Variants in RALYL observed in about 807,000 individuals in gnomAD.
RALYL encodes the protein RNA-binding Raly-like protein.
A neutral mutation model predicts 35.1 loss-of-function variants in RALYL; 29 were observed. The ratio of observed to expected loss-of-function variants is 0.83; its 90% CI spans 0.61 to 1.13. The LOEUF (loss-of-function observed/expected upper bound fraction) is 1.13. Ranked by LOEUF, RALYL falls within the 50% of genes most tolerant of loss-of-function variation. RALYL has a pLI of 0.00. For missense variants in RALYL, 359 were observed against 360.4 expected (o/e 1.00, Z 0.03); for synonymous variants, 120 against 127.6 (o/e 0.94, Z 0.40).
At chr8:84,711,418 T>C (rs1230146594) in intron 2 of RALYL, among the ~76,000 whole-genome samples, 1 of 152,168 alleles carries the variant, frequency 6.6e-6, no homozygotes, top group Non-Finnish European at 1.5e-5. Flanking sequence ...CATGCAGTCA[T>C]TGACTGGAAG....
At chr8:84,298,497 C>T (rs149697313) in intron 1 of RALYL, among the ~76,000 whole-genome samples, 19 of 152,164 alleles carry the variant, frequency 1.2e-4, no homozygotes, top group Non-Finnish European at 2.2e-4. Context: ...GTGATGCCTC[C>T]AGCTTTGTTC....
In RALYL at chr8:84,354,422, A is replaced by C. The variant is rs567840805; in HGVS notation, c.-24+169998A>C. ...TGATGGGATTGGGATTAGACACCATACACCACAAAGTAAAACTTCTGAAGA... is the reference window on the plus strand; with the variant it reads ...TGATGGGATTGGGATTAGACACCATCCACCACAAAGTAAAACTTCTGAAGA... On this transcript the variant is annotated intron_variant, in intron 1 of 8. Transcript: ENST00000521268. Among the ~76,000 whole-genome samples the C allele has an allele frequency of 1.1e-3, 164 of 150,340 alleles. 6 individuals carry two copies. In the South Asian group the frequency reaches 0.032, roughly 30 times the overall value.
chr8:84,284,320 GA>G (rs1341772565), intron 1 of RALYL, among the ~76,000 whole-genome samples: 1 of 152,100 alleles, frequency 6.6e-6, no homozygotes, highest in Admixed American at 6.6e-5. Flanking sequence ...CAGTAATGCA[GA>G]AAATTGCTCG....
intron 8 of RALYL, among the ~76,000 whole-genome samples, chr8:84,909,933 C>G (rs180809726): frequency 5.3e-5 from 8 of 152,182 alleles, no homozygotes; most frequent in Non-Finnish European, 1.2e-4. Flanking sequence ...TTGGTGTTCT[C>G]TAACAATTAA....
At chr8:84,879,857 T>C (rs1380654997) in intron 7 of RALYL, among the ~76,000 whole-genome samples, 1 of 151,944 alleles carries the variant, frequency 6.6e-6, no homozygotes. Context: ...CAGTTAACTG[T>C]AAAGGCAAGA....
At position 84,879,152 on chromosome 8, in the gene RALYL, C is replaced by T. The variant is rs997085794; in HGVS notation, c.685+5755C>T. On this transcript the variant is annotated intron_variant, in intron 7 of 8. Transcript: ENST00000521268. ...CTAGGAGATGAGCTGTGCAAGAGAT[C>T]TGGAAAGAAATGAGTCCAGATCAGA... Among the ~76,000 whole-genome samples the T allele has an allele frequency of 3.3e-5, 5 of 152,160 alleles. No homozygotes were observed. The South Asian group carries it at 6.2e-4, about 19-fold the overall frequency.
At chr8:84,369,470 T>G (rs1370725999) in intron 1 of RALYL, among the ~76,000 whole-genome samples, 3 of 152,104 alleles carry the variant, frequency 2.0e-5, no homozygotes, top group Admixed American at 6.6e-5. Flanking sequence ...GTGAATTCTC[T>G]CTTCAACCCA....
At chr8:84,429,609 T>G (rs1387737296) in intron 1 of RALYL, among the ~76,000 whole-genome samples, 1 of 152,124 alleles carries the variant, frequency 6.6e-6, no homozygotes, top group Non-Finnish European at 1.5e-5. Context: ...GGTGGTTGAC[T>G]TGCCATTCTT....
chr8:84,508,101 T>C (rs1171509632), intron 1 of RALYL, among the ~76,000 whole-genome samples: 3 of 152,154 alleles, frequency 2.0e-5, no homozygotes, highest in Non-Finnish European at 4.4e-5. Flanking sequence ...ATTAGACACA[T>C]GTAAAGGTCT....
intron 2 of RALYL, among the ~76,000 whole-genome samples, chr8:84,671,217 A>T (rs911983078): frequency 1.3e-5 from 2 of 152,176 alleles, no homozygotes; most frequent in East Asian, 3.9e-4. Flanking sequence ...GTGGGCTCCC[A>T]CAGTCTTGGC....
chr8:84,805,054 G>T (rs1372217101), intron 4 of RALYL, among the ~76,000 whole-genome samples: 2 of 152,138 alleles, frequency 1.3e-5, no homozygotes, highest in East Asian at 1.9e-4. Flanking sequence ...GGTACACAGT[G>T]ATCATCCATA....
chr8:84,641,103 T>A (rs1429487014), intron 2 of RALYL, among the ~76,000 whole-genome samples: 4 of 151,424 alleles, frequency 2.6e-5, no homozygotes, highest in Non-Finnish European at 5.9e-5. Flanking sequence ...TATAAACTCT[T>A]TTTTCATATA....
At chr8:84,537,760 T>G (rs923620656) in intron 2 of RALYL, among the ~76,000 whole-genome samples, 5 of 152,202 alleles carry the variant, frequency 3.3e-5, no homozygotes, top group African/African-American at 1.2e-4. Flanking sequence ...TCAAGGAAGT[T>G]AGATAGTAGA....
chr8:84,368,443 G>T (rs543385157), intron 1 of RALYL, among the ~76,000 whole-genome samples: 1 of 152,068 alleles, frequency 6.6e-6, no homozygotes, highest in East Asian at 1.9e-4. Flanking sequence ...CATGTTTTAC[G>T]CAACACTCCC....
chr8:84,566,766 A>T (rs2061811868), intron 2 of RALYL, among the ~76,000 whole-genome samples: 1 of 151,818 alleles, frequency 6.6e-6, no homozygotes, highest in East Asian at 1.9e-4. Flanking sequence ...AGAGCCAAAC[A>T]ATGGACCTCT....
chr8:84,397,218 A>C (rs2042431790), intron 1 of RALYL, among the ~76,000 whole-genome samples: 1 of 152,198 alleles, frequency 6.6e-6, no homozygotes, highest in Non-Finnish European at 1.5e-5. Flanking sequence ...AATTTCTCCC[A>C]GAAGGAGTGT....
chr8:84,295,951 G>A (rs932609235), intron 1 of RALYL, among the ~76,000 whole-genome samples: 2 of 152,072 alleles, frequency 1.3e-5, no homozygotes, highest in African/African-American at 4.8e-5. Context: ...TGAGCTAATG[G>A]GGAAAAGCTA....
rs568066468 is a variant in RALYL, at chr8:84,532,132, A to G, written c.256+2555A>G. On this transcript the variant is annotated intron_variant, in intron 2 of 8. Transcript: ENST00000521268. ...ATCTCGTCTTTCACTACCTCTGTCC[A>G]AGCTGAATGACTTCATACAAAGCAA... 2.0e-4 allele frequency among the ~76,000 whole-genome samples: 31 copies of G among 152,162 alleles called. No individual in the cohort carries two copies. In the South Asian group the frequency reaches 4.4e-3, roughly 21 times the overall value.
intron 1 of RALYL, among the ~76,000 whole-genome samples, chr8:84,252,680 T>C (rs1055221601): frequency 2.6e-5 from 4 of 152,128 alleles, no homozygotes; most frequent in African/African-American, 9.7e-5. Flanking sequence ...GCAAGTGTGA[T>C]TCCTGGTGCA....
Sources: gnomAD v4.1 joint callset for allele counts (sites outside exome capture counted in the v4.1 genomes callset) on GRCh38, gnomAD v4.1.1 for gene constraint, MANE v1.5 for transcripts, NCBI Gene and HGNC (gene_info 2026-07-23, HGNC 2026-07-21) for gene names.